Variants in KMT2C observed in about 807,000 individuals in gnomAD.
The protein encoded by KMT2C is histone-lysine N-methyltransferase 2C.
KMT2C carries 88 observed loss-of-function variants against 507.9 expected under a neutral mutation model. That is an observed-to-expected ratio of 0.17 (90% CI 0.15 to 0.21). The LOEUF (loss-of-function observed/expected upper bound fraction) is 0.21, where lower values mean the gene tolerates loss of function less well. Ranked by LOEUF, KMT2C falls within the 10% of genes least tolerant of loss-of-function variation. KMT2C has a pLI of 1.00. For missense variants in KMT2C, 4,954 were observed against 5,957.8 expected, an observed-to-expected ratio of 0.83 and a Z score of 5.55; for synonymous variants, 2,049 against 2,080.8, an observed-to-expected ratio of 0.98 and a Z score of 0.42.
At chr7:152,239,993 G>GCTTTTCA in intron 14 of KMT2C, among the ~76,000 whole-genome samples, 1 of 152,348 alleles carries the variant, frequency 6.6e-6, no homozygotes, top group East Asian at 1.9e-4. Context: ...AGCCACACAA[G>GCTTTTCA]CAATAGACTG....
chr7:152,295,285 A>G (rs2096480409), intron 6 of KMT2C, among the ~76,000 whole-genome samples: 1 of 152,224 alleles, frequency 6.6e-6, no homozygotes, highest in African/African-American at 2.4e-5. Context: ...ATCATTTAAT[A>G]CTGCTCTTCT....
chr7:152,340,584 ACTT>A (rs1185685387), intron 2 of KMT2C, among the ~76,000 whole-genome samples: 1 of 152,198 alleles, frequency 6.6e-6, no homozygotes, highest in Non-Finnish European at 1.5e-5. Flanking sequence ...TCACTAAACT[ACTT>A]AAAATATTGA....
rs777664980 is a variant in KMT2C at position 152,195,987 on chromosome 7, T to C, written c.4298A>G (p.Asp1433Gly). ...THGPADDPLADISEVLNTDDD... is the reference protein window; with the variant it reads ...THGPADDPLAGISEVLNTDDD... ...ATCTGTGTTTAAAACTTCAGAAATA[T>C]CAGCTAATGGGTCATCAGCAGGACC... Residue 1433 changes from aspartate (D) to glycine (G), a missense_variant, in exon 28 of 59, where the codon GAT becomes GGT. This residue lies in a region of KMT2C where 140 missense variants were observed against 118.4 expected (regional missense o/e 1.18). Coordinates refer to ENST00000262189, the MANE Select transcript of KMT2C (RefSeq NM_170606.3). 1.1e-5 allele frequency: 17 copies of C among 1,606,710 alleles called. No homozygotes were observed. The highest frequency in any genetic ancestry group is 1.2e-5 in the Non-Finnish European group (14 of 1,174,496).
chr7:152,193,995 A>C lies in KMT2C; in HGVS notation c.4660+14T>G, dbSNP rs776829813. The C allele has an allele frequency of 2.6e-6, 4 of 1,520,374 alleles. No individual in the cohort carries two copies. The Admixed American group carries it at 7.3e-5, about 28-fold the overall frequency. The allele number at this position is 1,520,374 out of a possible 1,614,324, so 94.2% of individuals were successfully genotyped here. A position where few individuals can be genotyped will look rare whatever the true frequency, so the allele number is the denominator to read the frequency against. Reference sequence around the variant, plus strand: ...TGTGTGAATATAATGTAGAATTATAAAGTCATAACATACCCTGATTGTGTA... The same window carrying C: ...TGTGTGAATATAATGTAGAATTATACAGTCATAACATACCCTGATTGTGTA... On this transcript the variant is annotated intron_variant, in intron 31 of 58. Transcript: ENST00000262189.
chr7:152,188,632 A>G (rs1460028262), intron 31 of KMT2C, among the ~76,000 whole-genome samples: 3 of 69,060 alleles, frequency 4.3e-5, no homozygotes, highest in African/African-American at 1.5e-4. Context: ...TTTGTTTTTG[A>G]GATGGAGTCT....
chr7:152,242,522 C>G (rs1314060334), intron 14 of KMT2C, among the ~76,000 whole-genome samples: 1 of 151,958 alleles, frequency 6.6e-6, no homozygotes, highest in Non-Finnish European at 1.5e-5. Flanking sequence ...ACTACAGAAA[C>G]TAAAAAAACA....
intron 1 of KMT2C, among the ~76,000 whole-genome samples, chr7:152,393,331 T>G (rs1473105569): frequency 6.6e-6 from 1 of 152,224 alleles, no homozygotes; most frequent in Non-Finnish European, 1.5e-5. Flanking sequence ...TAAAACCTCA[T>G]TTACAGCTCC....
In KMT2C at chr7:152,270,511, T is replaced by A. The variant is rs1017099245; in HGVS notation, c.1012+3194A>T. On this transcript the variant is annotated intron_variant, in intron 7 of 58. Coordinates refer to ENST00000262189, the MANE Select transcript of KMT2C (RefSeq NM_170606.3). ...AAGGCCTACATGATCTAGCCTTTGT[T>A]CGCCTTGATGATGTCTCTACTACCC... is the stretch of plus-strand genomic sequence containing the variant. Among the ~76,000 whole-genome samples the A allele has an allele frequency of 2.6e-5, 4 of 152,194 alleles. 1 individual carries two copies. The highest frequency in any genetic ancestry group is 9.7e-5 in the African/African-American group (4 of 41,450).
intron 8 of KMT2C, 100 bp from the exon 9 acceptor site, chr7:152,263,230 AT>A: frequency 1.1e-6 from 1 of 934,096 alleles, no homozygotes; most frequent in Non-Finnish European, 1.6e-6. Context: ...TGCACAGTTC[AT>A]AAATACCTCA....
intron 14 of KMT2C, among the ~76,000 whole-genome samples, chr7:152,245,549 T>C (rs2095458988): frequency 6.6e-6 from 1 of 152,174 alleles, no homozygotes; most frequent in Non-Finnish European, 1.5e-5. Flanking sequence ...GTCTGCATTA[T>C]ATTTATATTA....
intron 2 of KMT2C, among the ~76,000 whole-genome samples, chr7:152,340,987 A>T (rs1047128459): frequency 3.9e-5 from 6 of 152,244 alleles, no homozygotes. Context: ...TTTCCTACAT[A>T]ACTTTTAAAT....
In KMT2C at chr7:152,136,741, A is replaced by G. The variant is rs142171905; in HGVS notation, c.*91T>C. On this transcript the variant is annotated 3_prime_UTR_variant, in exon 59 of 59. Transcript: ENST00000262189. Reference sequence around the variant, plus strand: ...TCAAAAAGTCATAAAACAGAAAACAAAAATCTCTTTCTGTCTGCAAAATTC... The same window carrying G: ...TCAAAAAGTCATAAAACAGAAAACAGAAATCTCTTTCTGTCTGCAAAATTC... 7,105 of 938,526 alleles carry G rather than the reference A, an allele frequency of 7.6e-3. 34 individuals are homozygous for G. The highest frequency in any genetic ancestry group is 9.5e-3 in the Non-Finnish European group (5,536 of 580,090). The allele number at this position is 938,526 out of a possible 1,614,324, so 58.1% of individuals were successfully genotyped here. A position where few individuals can be genotyped will look rare whatever the true frequency, so the allele number is the denominator to read the frequency against.
intron 1 of KMT2C, among the ~76,000 whole-genome samples, chr7:152,397,244 G>A (rs1048493728): frequency 9.9e-5 from 15 of 150,994 alleles, no homozygotes; most frequent in African/African-American, 3.7e-4. Flanking sequence ...TGCCCAGGTT[G>A]GAGTGCAGGG....
chr7:152,290,228 G>GTGTT (rs1554617054), intron 6 of KMT2C, among the ~76,000 whole-genome samples: 3 of 97,854 alleles, frequency 3.1e-5, no homozygotes, highest in African/African-American at 1.0e-4. Context: ...ATATGTGTGT[G>GTGTT]TGTGTGTGTG....
rs1453235777 is a variant in KMT2C at position 152,207,388 on chromosome 7, A to G, written c.3753T>C (p.Ser1251=). The G allele has an allele frequency of 1.2e-6, 2 of 1,609,702 alleles. No individual in the cohort carries two copies. The highest frequency in any genetic ancestry group is 1.7e-6 in the Non-Finnish European group (2 of 1,178,184). ...LMDCDGKSES[S]PEREAVDDET... ...CATCATCCACAGCTTCCCGCTCAGG[A>G]CTAGATTCTGATTTTCCATCACAAT... is the stretch of plus-strand genomic sequence containing the variant. The change falls in exon 24 of 59, where the codon AGT becomes AGC. Residue 1251 remains serine (S), a synonymous_variant. Coordinates refer to ENST00000262189, the MANE Select transcript of KMT2C (RefSeq NM_170606.3).
chr7:152,335,375 C>G (rs1006674030), intron 2 of KMT2C, among the ~76,000 whole-genome samples: 3 of 152,018 alleles, frequency 2.0e-5, no homozygotes, highest in African/African-American at 7.2e-5. Context: ...TACTGGGTAA[C>G]AAGAAAGGGG....
intron 2 of KMT2C, among the ~76,000 whole-genome samples, chr7:152,347,121 G>GAAAGA (rs1246656114): frequency 1.3e-5 from 2 of 152,036 alleles, no homozygotes; most frequent in African/African-American, 4.8e-5. Flanking sequence ...AAAGGAAAAG[G>GAAAGA]AAAGAAAAGA....
At chr7:152,259,716 TC>T (rs2095736480) in intron 9 of KMT2C, among the ~76,000 whole-genome samples, 2 of 152,010 alleles carry the variant, frequency 1.3e-5, no homozygotes, top group African/African-American at 4.8e-5. Context: ...ACAATAAAGA[TC>T]CTGAAAAGAT....
chr7:152,296,445 A>AAGAG (rs367694956), intron 6 of KMT2C, among the ~76,000 whole-genome samples: 16 of 149,494 alleles, frequency 1.1e-4, no homozygotes, highest in African/African-American at 2.5e-4. Flanking sequence ...AAAAAAAAAA[A>AAGAG]AGAGAGAGAG....
Sources: allele counts gnomAD v4.1 joint callset (sites outside exome capture counted in the v4.1 genomes callset), GRCh38; gene constraint gnomAD v4.1.1; regional missense constraint gnomAD v4.1.1; transcripts MANE v1.5; gene names NCBI Gene and HGNC (gene_info 2026-07-23, HGNC 2026-07-21).